Variants in NALF1 observed in about 807,000 individuals in gnomAD.
NALF1 encodes family with sequence similarity 155 member A.
In NALF1, 3 loss-of-function variants were observed where a neutral mutation model predicts 48.4. The ratio of observed to expected loss-of-function variants is 0.06; its 90% CI spans 0.03 to 0.16. NALF1 has a LOEUF of 0.16. Among genes scored for constraint, NALF1 ranks in the 10% least tolerant of loss-of-function variants. NALF1 has a pLI of 1.00. For missense variants in NALF1, 526 were observed against 571.5 expected, an observed-to-expected ratio of 0.92 and a Z score of 0.81; for synonymous variants, 262 against 245.7, an observed-to-expected ratio of 1.07 and a Z score of -0.62.
At chr13:107,249,154 T>A (rs1054802283) in intron 1 of NALF1, among the ~76,000 whole-genome samples, 4 of 152,082 alleles carry the variant, frequency 2.6e-5, no homozygotes, top group African/African-American at 9.7e-5. Flanking sequence ...TTTGGAAAAA[T>A]GGCAGAAAAT....
chr13:107,608,924 G>A (rs1879147041), intron 1 of NALF1, among the ~76,000 whole-genome samples: 1 of 152,182 alleles, frequency 6.6e-6, no homozygotes. Flanking sequence ...TGGGACACCT[G>A]TGCTGGGCCG....
chr13:107,793,462 C>T, intron 1 of NALF1, among the ~76,000 whole-genome samples: 1 of 152,092 alleles, frequency 6.6e-6, no homozygotes, highest in East Asian at 1.9e-4. Flanking sequence ...TCCACACACC[C>T]AATACCATGC....
At chr13:107,418,492 T>G (rs1003293733) in intron 1 of NALF1, among the ~76,000 whole-genome samples, 3 of 152,160 alleles carry the variant, frequency 2.0e-5, no homozygotes, top group Non-Finnish European at 4.4e-5. Flanking sequence ...TTTCTCTCGG[T>G]TGCTAAGTTT....
chr13:107,643,065 G>T, intron 1 of NALF1, among the ~76,000 whole-genome samples: 1 of 152,038 alleles, frequency 6.6e-6, no homozygotes, highest in East Asian at 1.9e-4. Flanking sequence ...TATGTCATCA[G>T]GTTTCGCAGT....
At chr13:107,791,127 A>G (rs1295879136) in intron 1 of NALF1, among the ~76,000 whole-genome samples, 1 of 152,204 alleles carries the variant, frequency 6.6e-6, no homozygotes, top group Non-Finnish European at 1.5e-5. Context: ...GAAAAAATGT[A>G]AAGTTACTAA....
chr13:107,721,131 C>T (rs984409241), intron 1 of NALF1, among the ~76,000 whole-genome samples: 5 of 151,924 alleles, frequency 3.3e-5, no homozygotes, highest in Admixed American at 3.3e-4. Flanking sequence ...CACACACACA[C>T]ACACACACAC....
At chr13:107,838,984 G>A (rs1879977834) in intron 1 of NALF1, among the ~76,000 whole-genome samples, 2 of 152,152 alleles carry the variant, frequency 1.3e-5, no homozygotes, top group Non-Finnish European at 2.9e-5. Flanking sequence ...CTCACCTGCA[G>A]GGGCCTCTCT....
chr13:107,830,278 C>T (rs1213168353), intron 1 of NALF1, among the ~76,000 whole-genome samples: 2 of 152,108 alleles, frequency 1.3e-5, no homozygotes, highest in Non-Finnish European at 2.9e-5. Context: ...CTTTAAATGT[C>T]GTTGTTTATT....
intron 1 of NALF1, among the ~76,000 whole-genome samples, chr13:107,295,730 T>G (rs1881712523): frequency 6.6e-6 from 1 of 152,230 alleles, no homozygotes; most frequent in Non-Finnish European, 1.5e-5. Flanking sequence ...TTGGATTACT[T>G]TGGTTTTTGA....
intron 1 of NALF1, among the ~76,000 whole-genome samples, chr13:107,733,179 A>C (rs1876363618): frequency 6.6e-6 from 1 of 152,292 alleles, no homozygotes; most frequent in South Asian, 2.1e-4. Flanking sequence ...CTAATCCATT[A>C]TTAACATTTT....
intron 1 of NALF1, among the ~76,000 whole-genome samples, chr13:107,733,976 T>A (rs1299430192): frequency 6.6e-6 from 1 of 152,204 alleles, no homozygotes; most frequent in Non-Finnish European, 1.5e-5. Flanking sequence ...CGGTGTGGTA[T>A]AGCCTGTTGC....
At chr13:107,172,750 A>C (rs1878832914) in intron 2 of NALF1, among the ~76,000 whole-genome samples, 1 of 152,176 alleles carries the variant, frequency 6.6e-6, no homozygotes, top group East Asian at 1.9e-4. Context: ...AGATTATAAA[A>C]ATAGAAATCT....
chr13:107,189,038 C>T (rs1041491958), intron 2 of NALF1, among the ~76,000 whole-genome samples: 2 of 152,072 alleles, frequency 1.3e-5, no homozygotes, highest in Admixed American at 6.6e-5. Context: ...GACTGAAAAA[C>T]GATACTAAAT....
At chr13:107,529,397 C>T (rs1876552323) in intron 1 of NALF1, among the ~76,000 whole-genome samples, 1 of 152,126 alleles carries the variant, frequency 6.6e-6, no homozygotes, top group Admixed American at 6.6e-5. Context: ...AAAGAGAATG[C>T]CCCAGATGGC....
chr13:107,571,010 G>C (rs1417172131), intron 1 of NALF1, among the ~76,000 whole-genome samples: 1 of 152,088 alleles, frequency 6.6e-6, no homozygotes, highest in Non-Finnish European at 1.5e-5. Flanking sequence ...CCTAAAATTA[G>C]AGCTGAAATA....
chr13:107,274,036 ATT>A (rs58258933), intron 1 of NALF1, among the ~76,000 whole-genome samples: 5 of 151,174 alleles, frequency 3.3e-5, no homozygotes, highest in South Asian at 4.2e-4. Context: ...ATCTGTTTTG[ATT>A]TTTTTTTTCT....
chr13:107,730,542 T>C (rs556690719), intron 1 of NALF1, among the ~76,000 whole-genome samples: 1 of 152,364 alleles, frequency 6.6e-6, no homozygotes, highest in Non-Finnish European at 1.5e-5. Flanking sequence ...AATGAGTCTC[T>C]AATAATTCCT....
At chr13:107,810,907 C>T (rs1356986083) in intron 1 of NALF1, among the ~76,000 whole-genome samples, 1 of 152,156 alleles carries the variant, frequency 6.6e-6, no homozygotes, top group Non-Finnish European at 1.5e-5. Context: ...GTCCTCTTCT[C>T]TAGAACCAGA....
At chr13:107,743,208 A>C (rs1876687732) in intron 1 of NALF1, among the ~76,000 whole-genome samples, 1 of 152,248 alleles carries the variant, frequency 6.6e-6, no homozygotes, top group Non-Finnish European at 1.5e-5. Context: ...TCAAGTTTTC[A>C]GAGCATTAAC....
Sources: gnomAD v4.1 joint callset for allele counts (sites outside exome capture counted in the v4.1 genomes callset) on GRCh38, gnomAD v4.1.1 for gene constraint, MANE v1.5 for transcripts, NCBI Gene and HGNC (gene_info 2026-07-23, HGNC 2026-07-21) for gene names.